SH3PXD2B: variants seen among roughly 807,000 people sequenced by gnomAD.
SH3PXD2B encodes the protein SH3 and PX domains 2B.
SH3PXD2B carries 37 observed loss-of-function variants against 73.1 expected under a neutral mutation model. The observed-to-expected ratio is 0.51, with a 90% CI of 0.39 to 0.67. The LOEUF (loss-of-function observed/expected upper bound fraction) is 0.67. Ranked by LOEUF, SH3PXD2B falls within the 30% of genes least tolerant of loss-of-function variation. The pLI is 0.00. For synonymous variants in SH3PXD2B, 457 were observed against 480.5 expected (o/e 0.95, Z 0.64); for missense variants, 1,053 against 1,197.8 (o/e 0.88, Z 1.78).
downstream of SH3PXD2B, among the ~76,000 whole-genome samples, chr5:172,329,460 G>T (rs185052207): frequency 6.1e-4 from 92 of 151,512 alleles, no homozygotes; most frequent in Non-Finnish European, 1.0e-3. Context: ...TAGAAGTATT[G>T]GAGGCCAAGT....
At chr5:172,328,704 C>T (rs1169287401), downstream of SH3PXD2B, among the ~76,000 whole-genome samples, 1 of 152,098 alleles carries the variant, frequency 6.6e-6, no homozygotes, top group Non-Finnish European at 1.5e-5. Flanking sequence ...GACACGCTCA[C>T]TGACCCAGGC....
chr5:172,391,033 G>T (rs1758179181), intron 4 of SH3PXD2B, among the ~76,000 whole-genome samples: 1 of 152,048 alleles, frequency 6.6e-6, no homozygotes, highest in African/African-American at 2.4e-5. Context: ...TAGAGATGGG[G>T]TTTCTCCATT....
intron 1 of SH3PXD2B, among the ~76,000 whole-genome samples, chr5:172,439,692 G>GCACACACACACACACACACACA (rs367799974): frequency 4.9e-4 from 68 of 138,526 alleles, no homozygotes; most frequent in Non-Finnish European, 8.1e-4. Context: ...GCACGCGCGC[G>GCACACACACACACACACACACA]CACACACACA....
At chr5:172,341,440 T>A (rs1045412565) in intron 12 of SH3PXD2B, among the ~76,000 whole-genome samples, 3 of 152,090 alleles carry the variant, frequency 2.0e-5, no homozygotes, top group African/African-American at 7.2e-5. Context: ...ATCTGGTTGT[T>A]TAAAAGTGTG....
At position 172,335,032 on chromosome 5, in the gene SH3PXD2B, T is replaced by A. The variant is rs1756654332; in HGVS notation, c.*3337A>T. 1.0e-6 allele frequency: 1 copy of A among 985,252 alleles called. No homozygotes were observed. Among genetic ancestry groups the A allele is most frequent in the Non-Finnish European group, 1.2e-6 (1 of 829,962 alleles). The allele number at this position is 985,252 out of a possible 1,614,324, so 61.0% of individuals were successfully genotyped here. A position where few individuals can be genotyped will look rare whatever the true frequency, so the allele number is the denominator to read the frequency against. ...AAAGCGGTTTAAGCTGGAGCTCAGCTCTCCCGCAGTCTCAGCTGGGACGAC... is the reference window on the plus strand; with the variant it reads ...AAAGCGGTTTAAGCTGGAGCTCAGCACTCCCGCAGTCTCAGCTGGGACGAC... On this transcript the variant is annotated 3_prime_UTR_variant, in exon 13 of 13. Coordinates refer to ENST00000311601, the MANE Select transcript of SH3PXD2B (RefSeq NM_001017995.3).
At chr5:172,411,893 C>A (rs1483189200) in intron 2 of SH3PXD2B, among the ~76,000 whole-genome samples, 1 of 152,004 alleles carries the variant, frequency 6.6e-6, no homozygotes, top group South Asian at 2.1e-4. Flanking sequence ...AGCACATTCA[C>A]AATGTTGTGT....
Position 172,336,944 on chromosome 5 carries a change from A to G in SH3PXD2B, c.*1425T>C. On this transcript the variant is annotated 3_prime_UTR_variant, in exon 13 of 13. Coordinates refer to ENST00000311601, the MANE Select transcript of SH3PXD2B (RefSeq NM_001017995.3). ...GAAAAAAACATTACAAATGCCGGAG[A>G]GGCACAGGAAGCAGCTCTGCCTGGC... 2 of 985,554 alleles carry G rather than the reference A, an allele frequency of 2.0e-6. No homozygotes were observed. The highest frequency in any genetic ancestry group is 2.4e-6 in the Non-Finnish European group (2 of 830,022). The allele number at this position is 985,554 out of a possible 1,614,324, so 61.1% of individuals were successfully genotyped here.
In SH3PXD2B at chr5:172,339,099, T is replaced by A; in HGVS notation, c.2006A>T (p.Lys669Met). Residue 669 changes from lysine (K) to methionine (M), a missense_variant, in exon 13 of 13, where the codon AAG (lysine) becomes ATG (methionine). Lys to Met is a moderately conservative substitution (Grantham distance 95). Transcript: ENST00000311601. This position sits in a 1 kb window ranked among gnomAD's most constrained non-coding sequence, Gnocchi z 6.1. ...DQVDICNLRS[K>M]LRPAKSQDKS... ...GTCTTGGGACTTGGCAGGCCTGAGC[T>A]TACTCCTGAGGTTGCAGATGTCGAC... The A allele has an allele frequency of 6.2e-7, 1 of 1,614,210 alleles. No individual in the cohort carries two copies. Among genetic ancestry groups the A allele is most frequent in the Non-Finnish European group, 8.5e-7 (1 of 1,180,046 alleles).
intron 1 of SH3PXD2B, among the ~76,000 whole-genome samples, chr5:172,447,494 T>C (rs891042465): frequency 6.6e-6 from 1 of 152,202 alleles, no homozygotes; most frequent in African/African-American, 2.4e-5. Context: ...ACTCCTAATA[T>C]AGTTTACCAT....
intron 3 of SH3PXD2B, among the ~76,000 whole-genome samples, chr5:172,395,993 G>A (rs1322275408): frequency 6.6e-6 from 1 of 152,010 alleles, no homozygotes. Context: ...GATCTAAGAC[G>A]GTTTCTGGTG....
At position 172,339,058 on chromosome 5, in the gene SH3PXD2B, C is replaced by A; in HGVS notation, c.2047G>T (p.Gly683Trp). The A allele has an allele frequency of 6.2e-7, 1 of 1,614,256 alleles. No individual in the cohort carries two copies. Among genetic ancestry groups the A allele is most frequent in the Non-Finnish European group, 8.5e-7 (1 of 1,180,038 alleles). ...AKSQDKSLLD[G>W]EGPQAVGGQD... ...CCCCCTACTGCCTGGGGGCCCTCCC[C>A]ATCCAACAAGGACTTGTCTTGGGAC... Residue 683 changes from glycine to tryptophan, a missense_variant, in exon 13 of 13, where the codon GGG (glycine) becomes TGG (tryptophan). Physicochemically the swap from Gly to Trp is radical, Grantham distance 184. Around this residue, in one of 2 missense-constraint regions of SH3PXD2B, gnomAD observed 587 missense variants for 590.7 expected, o/e 0.99. Coordinates refer to ENST00000311601, the MANE Select transcript of SH3PXD2B (RefSeq NM_001017995.3). The surrounding 1 kb of genome is among the most constrained non-coding windows in gnomAD (Gnocchi z 6.1).
intron 2 of SH3PXD2B, among the ~76,000 whole-genome samples, chr5:172,418,414 A>C (rs893077228): frequency 2.0e-5 from 3 of 152,208 alleles, no homozygotes; most frequent in Non-Finnish European, 4.4e-5. Context: ...AGGTCTCCTG[A>C]CTGAGTCCTC....
downstream of SH3PXD2B, among the ~76,000 whole-genome samples, chr5:172,330,422 T>C (rs1364306938): frequency 6.6e-6 from 1 of 152,144 alleles, no homozygotes; most frequent in East Asian, 1.9e-4. Context: ...ATTGGACATT[T>C]TCCAGAGTTT....
In SH3PXD2B at chr5:172,418,613, GCCC is replaced by G. The variant is rs367978590; in HGVS notation, c.156+3800_156+3802del. ...GGCCCGCAAGGGCTGGTGCGATCCT[GCCC>G]TAACCTCTTCCAGCTTTCCCTGCTG... On this transcript the variant is annotated intron_variant, in intron 2 of 12. Transcript: ENST00000311601. Among the ~76,000 whole-genome samples, 1,190 of 152,330 alleles carry G rather than the reference GCCC, an allele frequency of 7.8e-3. 14 individuals carry two copies. Among genetic ancestry groups the G allele is most frequent in the African/African-American group, 0.027 (1,137 of 41,582 alleles).
At chr5:172,413,825 G>A (rs755573221) in intron 2 of SH3PXD2B, among the ~76,000 whole-genome samples, 3 of 152,226 alleles carry the variant, frequency 2.0e-5, no homozygotes, top group East Asian at 1.9e-4. Context: ...TGCACAACAC[G>A]TTGGAGGCAT....
At chr5:172,427,938 G>A (rs1759138470) in intron 1 of SH3PXD2B, among the ~76,000 whole-genome samples, 3 of 151,838 alleles carry the variant, frequency 2.0e-5, no homozygotes, top group African/African-American at 7.3e-5. Flanking sequence ...CACCATGCTC[G>A]GCTAATTTTT....
chr5:172,382,141 A>T lies in SH3PXD2B; in HGVS notation c.310-14T>A. On this transcript the variant is annotated splice_polypyrimidine_tract_variant and intron_variant, in intron 4 of 12. Coordinates refer to ENST00000311601, the MANE Select transcript of SH3PXD2B (RefSeq NM_001017995.3). ...CTGGATGAGGGCCTGGAGAAGAGAGACGCAGGTGAGTGCAAAGGAGGAGAG... is the reference window on the plus strand; with the variant it reads ...CTGGATGAGGGCCTGGAGAAGAGAGTCGCAGGTGAGTGCAAAGGAGGAGAG... 1 of 1,595,998 alleles carries T rather than the reference A, an allele frequency of 6.3e-7. No individual in the cohort carries two copies. The highest frequency in any genetic ancestry group is 8.5e-7 in the Non-Finnish European group (1 of 1,171,332).
chr5:172,400,413 G>A (rs921639116), intron 3 of SH3PXD2B, among the ~76,000 whole-genome samples: 1 of 152,168 alleles, frequency 6.6e-6, no homozygotes, highest in Non-Finnish European at 1.5e-5. Context: ...TCGGGAGAAC[G>A]AGAATCATCA....
chr5:172,385,281 C>T (rs534798674), intron 4 of SH3PXD2B, among the ~76,000 whole-genome samples: 2 of 152,172 alleles, frequency 1.3e-5, no homozygotes, highest in Non-Finnish European at 2.9e-5. Context: ...TGGCTTCCCC[C>T]CAAGACTACA....
Sources: gnomAD v4.1 joint callset for allele counts (sites outside exome capture counted in the v4.1 genomes callset) on GRCh38, gnomAD v4.1.1 for gene constraint, gnomAD v4.1.1 regional missense constraint, Gnocchi (gnomAD v3.1) non-coding constraint, MANE v1.5 for transcripts, NCBI Gene and HGNC (gene_info 2026-07-23, HGNC 2026-07-21) for gene names.